ITSN2: variants seen among roughly 807,000 people sequenced by gnomAD.
The protein encoded by ITSN2 is intersectin 2.
Under a neutral mutation model 243.7 loss-of-function variants are expected in ITSN2, and 156 were observed. That is an observed-to-expected ratio of 0.64 (90% CI 0.56 to 0.73). The LOEUF (loss-of-function observed/expected upper bound fraction) is 0.73, where lower values mean the gene tolerates loss of function less well. ITSN2 is among the 30% of genes least tolerant of loss of function. The probability of loss-of-function intolerance (pLI) is 0.00; values close to 1 mark genes in which losing one functional copy is unlikely to be tolerated. For missense variants in ITSN2, 1,801 were observed against 1,996.1 expected (o/e 0.90, Z 1.86); for synonymous variants, 703 against 699.9 (o/e 1.00, Z -0.07).
chr2:24,318,987 T>C (rs1684248357), intron 2 of ITSN2, among the ~76,000 whole-genome samples: 1 of 152,162 alleles, frequency 6.6e-6, no homozygotes, highest in Non-Finnish European at 1.5e-5. Flanking sequence ...GGGATCTGGG[T>C]TGCATGCTCC....
intron 20 of ITSN2, among the ~76,000 whole-genome samples, chr2:24,267,835 G>A (rs1033086981): frequency 2.6e-5 from 4 of 152,162 alleles, no homozygotes; most frequent in African/African-American, 4.8e-5. Context: ...GGGATTATGG[G>A]TGTGCACCTG....
intron 1 of ITSN2, among the ~76,000 whole-genome samples, chr2:24,354,500 G>A (rs1202794218): frequency 6.6e-6 from 1 of 152,134 alleles, no homozygotes; most frequent in East Asian, 1.9e-4. Context: ...AAAACAACAG[G>A]TAACATTAGG....
intron 34 of ITSN2, 135 bp downstream of exon 34, chr2:24,210,645 T>C: frequency 4.1e-6 from 2 of 485,892 alleles, no homozygotes; most frequent in East Asian, 7.2e-5. Flanking sequence ...GAAAAAAAAA[T>C]GCCTTTGCAG....
chr2:24,240,176 G>A (rs1272566792), intron 29 of ITSN2: 4 of 152,098 alleles, frequency 2.6e-5, no homozygotes, highest in South Asian at 2.1e-4. Context: ...TTTCTACCCC[G>A]AGGGTTTAAA....
chr2:24,277,499 A>G (rs1409780974), intron 17 of ITSN2, among the ~76,000 whole-genome samples: 1 of 152,192 alleles, frequency 6.6e-6, no homozygotes, highest in Non-Finnish European at 1.5e-5. Flanking sequence ...CAGAATTTCC[A>G]CAGCTCTCAG....
chr2:24,266,169 T>G (rs949439433), intron 20 of ITSN2, among the ~76,000 whole-genome samples: 9 of 152,226 alleles, frequency 5.9e-5, no homozygotes, highest in African/African-American at 2.2e-4. Flanking sequence ...TTTTCCTTCA[T>G]TCTCTGGGTT....
At chr2:24,208,167 C>T in intron 37 of ITSN2, 70 bp downstream of exon 37, 1 of 1,281,792 alleles carries the variant, frequency 7.8e-7, no homozygotes, top group Non-Finnish European at 1.1e-6. Context: ...ATCAGCCTGA[C>T]TGCAGGAGCA....
intron 23 of ITSN2, among the ~76,000 whole-genome samples, chr2:24,255,967 C>T (rs1429241588): frequency 6.6e-6 from 1 of 151,646 alleles, no homozygotes; most frequent in Non-Finnish European, 1.5e-5. Flanking sequence ...GCAGGAGAAT[C>T]GCTTGAACCC....
At chr2:24,208,546 G>A (rs751690595) in intron 36 of ITSN2, among the ~76,000 whole-genome samples, 1 of 152,214 alleles carries the variant, frequency 6.6e-6, no homozygotes, top group Admixed American at 6.5e-5. Flanking sequence ...CTCGCAAGGC[G>A]CTGGGACCTG....
chr2:24,304,366 C>G (rs1473410036), intron 8 of ITSN2, among the ~76,000 whole-genome samples: 6 of 152,192 alleles, frequency 3.9e-5, no homozygotes, highest in Admixed American at 3.9e-4. Context: ...CAAAAGCCAG[C>G]CAAATGCAGC....
chr2:24,236,308 C>CA (rs1281024055), intron 29 of ITSN2, among the ~76,000 whole-genome samples: 1 of 151,868 alleles, frequency 6.6e-6, no homozygotes, highest in Non-Finnish European at 1.5e-5. Context: ...AACATGGAGA[C>CA]AAAAGATTAG....
chr2:24,248,015 A>G (rs563122629), intron 27 of ITSN2, among the ~76,000 whole-genome samples: 5 of 152,216 alleles, frequency 3.3e-5, no homozygotes, highest in Non-Finnish European at 5.9e-5. Context: ...TATCACTCAT[A>G]TAAAAATATA....
chr2:24,349,093 T>C (rs753809364), intron 1 of ITSN2, among the ~76,000 whole-genome samples: 1 of 152,134 alleles, frequency 6.6e-6, no homozygotes, highest in Admixed American at 6.6e-5. Context: ...ATAGTGAGAT[T>C]CTGTCTCTAC....
chr2:24,316,462 T>C (rs533162699), intron 2 of ITSN2, among the ~76,000 whole-genome samples: 1 of 152,080 alleles, frequency 6.6e-6, no homozygotes, highest in South Asian at 2.1e-4. Context: ...TTTGTATTAT[T>C]AGTAGAGACA....
intron 1 of ITSN2, among the ~76,000 whole-genome samples, chr2:24,358,732 G>A (rs1453670267): frequency 6.6e-6 from 1 of 152,168 alleles, no homozygotes; most frequent in Non-Finnish European, 1.5e-5. Flanking sequence ...TGCTATTTTT[G>A]TGAAAATACA....
intron 31 of ITSN2, among the ~76,000 whole-genome samples, chr2:24,217,402 G>A (rs1006916359): frequency 2.6e-5 from 4 of 152,190 alleles, no homozygotes; most frequent in Admixed American, 6.5e-5. Flanking sequence ...AAAGGGAGCA[G>A]GAGCTGCAGG....
intron 30 of ITSN2, among the ~76,000 whole-genome samples, chr2:24,218,791 A>G (rs1670190185): frequency 6.6e-6 from 1 of 152,246 alleles, no homozygotes; most frequent in Admixed American, 6.5e-5. Context: ...CTAAGTTTCA[A>G]CTGCATAACT....
chr2:24,206,458 GC>G (rs1168658119), intron 37 of ITSN2, among the ~76,000 whole-genome samples: 1 of 151,984 alleles, frequency 6.6e-6, no homozygotes, highest in Admixed American at 6.6e-5. Context: ...TGGGGTGGAG[GC>G]CACAGGCTGG....
chr2:24,289,737 C>T (rs1679993709), intron 15 of ITSN2, among the ~76,000 whole-genome samples: 1 of 152,198 alleles, frequency 6.6e-6, no homozygotes, highest in African/African-American at 2.4e-5. Flanking sequence ...CCCAGGATGG[C>T]TTTCAATGTG....
Sources: allele counts gnomAD v4.1 joint callset (sites outside exome capture counted in the v4.1 genomes callset), GRCh38; gene constraint gnomAD v4.1.1; transcripts MANE v1.5; gene names NCBI Gene and HGNC (gene_info 2026-07-23, HGNC 2026-07-21).